The following SLC25A31 variants were observed in gnomAD, a reference collection of about 807,000 sequenced individuals.
SLC25A31 encodes the protein solute carrier family 25 member 31.
In SLC25A31, 40 loss-of-function variants were observed where a neutral mutation model predicts 36.2. That is an observed-to-expected ratio of 1.10 (90% CI 0.86 to 1.44). The LOEUF is 1.44. Ranked by LOEUF, SLC25A31 falls within the 40% of genes most tolerant of loss-of-function variation. The pLI is 0.00. For missense variants in SLC25A31, 350 were observed against 397.1 expected (o/e 0.88, Z 1.01); for synonymous variants, 143 against 149.7 (o/e 0.96, Z 0.32).
At chr4:127,735,883 TATTTATTTA>T in intron 1 of SLC25A31, among the ~76,000 whole-genome samples, 1 of 71,592 alleles carries the variant, frequency 1.4e-5, no homozygotes, top group African/African-American at 5.3e-5. Context: ...TTTATTTATT[TATTTATTTA>T]TTTATTTTTT....
chr4:127,741,878 T>G (rs987703253), intron 1 of SLC25A31, among the ~76,000 whole-genome samples: 2 of 152,168 alleles, frequency 1.3e-5, no homozygotes, highest in South Asian at 2.1e-4. Flanking sequence ...TTCTAGAAAT[T>G]TATCAATTTC....
At chr4:127,748,955 T>A (rs1262800006) in intron 2 of SLC25A31, among the ~76,000 whole-genome samples, 1 of 152,038 alleles carries the variant, frequency 6.6e-6, no homozygotes, top group Non-Finnish European at 1.5e-5. Flanking sequence ...AAATTGCCTA[T>A]GAAATAATTC....
At chr4:127,771,435 T>G (rs1732359743) in intron 5 of SLC25A31, among the ~76,000 whole-genome samples, 1 of 152,222 alleles carries the variant, frequency 6.6e-6, no homozygotes, top group Non-Finnish European at 1.5e-5. Flanking sequence ...ACTACTTAAT[T>G]TTTGTGTATT....
intron 1 of SLC25A31, among the ~76,000 whole-genome samples, chr4:127,732,045 G>A (rs942457757): frequency 2.0e-5 from 3 of 152,136 alleles, no homozygotes; most frequent in Admixed American, 1.3e-4. Flanking sequence ...AACCATTGCT[G>A]CAAAATGGCT....
intron 1 of SLC25A31, among the ~76,000 whole-genome samples, chr4:127,737,593 C>T (rs1052720632): frequency 4.6e-5 from 7 of 151,854 alleles, no homozygotes; most frequent in African/African-American, 1.7e-4. Context: ...CCTGCTCCAT[C>T]GCCCAGGCTG....
chr4:127,754,389 C>G (rs1017143013), intron 2 of SLC25A31, among the ~76,000 whole-genome samples: 2 of 151,650 alleles, frequency 1.3e-5, no homozygotes, highest in Admixed American at 6.6e-5. Flanking sequence ...TATAGAAAAC[C>G]CCAAAGACCA....
At chr4:127,756,488 G>A (rs1312723580) in intron 2 of SLC25A31, among the ~76,000 whole-genome samples, 1 of 152,150 alleles carries the variant, frequency 6.6e-6, no homozygotes, top group African/African-American at 2.4e-5. Flanking sequence ...GTTTCATTTA[G>A]ACAGGAGGAA....
At chr4:127,763,208 C>T (rs572116964) in intron 2 of SLC25A31, among the ~76,000 whole-genome samples, 1 of 152,216 alleles carries the variant, frequency 6.6e-6, no homozygotes, top group East Asian at 1.9e-4. Flanking sequence ...TGATCATATA[C>T]AGTTTCAATA....
intron 4 of SLC25A31, among the ~76,000 whole-genome samples, chr4:127,767,769 G>T (rs535051813): frequency 6.6e-6 from 1 of 152,122 alleles, no homozygotes; most frequent in South Asian, 2.1e-4. Context: ...AAGAAAAATT[G>T]TAACAATGGC....
At chr4:127,734,713 T>A (rs915060545) in intron 1 of SLC25A31, among the ~76,000 whole-genome samples, 29 of 152,072 alleles carry the variant, frequency 1.9e-4, no homozygotes, top group Non-Finnish European at 3.8e-4. Context: ...ACAGTGAGGT[T>A]TTTTAATATC....
At chr4:127,760,327 C>T (rs1328628947) in intron 2 of SLC25A31, among the ~76,000 whole-genome samples, 1 of 152,156 alleles carries the variant, frequency 6.6e-6, no homozygotes, top group Non-Finnish European at 1.5e-5. Context: ...TTCACTGAAT[C>T]TTCACTTCAC....
chr4:127,771,040 T>C (rs1049001127), intron 5 of SLC25A31, among the ~76,000 whole-genome samples: 1 of 138,912 alleles, frequency 7.2e-6, no homozygotes, highest in African/African-American at 2.8e-5. Flanking sequence ...CACTGCAACC[T>C]CTGCCTCCCA....
chr4:127,770,949 CTTTTTT>C (rs558206857), intron 5 of SLC25A31, among the ~76,000 whole-genome samples: 3 of 80,826 alleles, frequency 3.7e-5, no homozygotes, highest in African/African-American at 1.1e-4. Context: ...TCTTCTTCTT[CTTTTTT>C]TTTTTTTTTT....
chr4:127,759,076 A>G (rs1319313056), intron 2 of SLC25A31, among the ~76,000 whole-genome samples: 1 of 152,146 alleles, frequency 6.6e-6, no homozygotes, highest in Non-Finnish European at 1.5e-5. Context: ...TGGTCATTTT[A>G]ATGATACTGA....
intron 2 of SLC25A31, among the ~76,000 whole-genome samples, chr4:127,755,089 A>G (rs1018365736): frequency 3.3e-5 from 5 of 152,246 alleles, no homozygotes; most frequent in African/African-American, 9.6e-5. Context: ...AGGGATGTCC[A>G]TATGCAGAAG....
At chr4:127,732,313 G>C (rs1004191250) in intron 1 of SLC25A31, among the ~76,000 whole-genome samples, 2 of 152,168 alleles carry the variant, frequency 1.3e-5, no homozygotes, top group Admixed American at 1.3e-4. Context: ...CAGACCTGTG[G>C]CGTGGAGTAT....
intron 1 of SLC25A31, among the ~76,000 whole-genome samples, chr4:127,741,356 T>G (rs903329529): frequency 6.6e-6 from 1 of 152,356 alleles, no homozygotes; most frequent in Admixed American, 6.5e-5. Flanking sequence ...TCTGTGAGCT[T>G]GTCACATATG....
intron 2 of SLC25A31, among the ~76,000 whole-genome samples, chr4:127,751,888 A>C (rs999080049): frequency 1.3e-5 from 2 of 152,168 alleles, no homozygotes; most frequent in Non-Finnish European, 2.9e-5. Flanking sequence ...CACACCAGTT[A>C]GAATGGCAAT....
intron 2 of SLC25A31, among the ~76,000 whole-genome samples, chr4:127,754,906 A>G (rs1732001476): frequency 6.6e-6 from 1 of 152,224 alleles, no homozygotes; most frequent in East Asian, 1.9e-4. Flanking sequence ...AATCTGCTAC[A>G]AAGCTATAGT....
Sources: gnomAD v4.1 joint callset for allele counts (sites outside exome capture counted in the v4.1 genomes callset) on GRCh38, gnomAD v4.1.1 for gene constraint, MANE v1.5 for transcripts, NCBI Gene and HGNC (gene_info 2026-07-23, HGNC 2026-07-21) for gene names.